Variants in SLC24A2 observed in about 807,000 individuals in gnomAD.
SLC24A2 encodes solute carrier family 24 member 2.
Under a neutral mutation model 62.0 loss-of-function variants are expected in SLC24A2, and 36 were observed. The observed-to-expected ratio is 0.58, with a 90% confidence interval of 0.44 to 0.77. SLC24A2 has a LOEUF of 0.77. Among genes scored for constraint, SLC24A2 ranks in the 30% least tolerant of loss-of-function variants. The probability of loss-of-function intolerance (pLI) is 0.00; values close to 1 mark genes in which losing one functional copy is unlikely to be tolerated. For synonymous variants in SLC24A2, 358 were observed against 294.0 expected, an observed-to-expected ratio of 1.22 and a Z score of -2.23; for missense variants, 846 against 817.9, an observed-to-expected ratio of 1.03 and a Z score of -0.42.
intron 7 of SLC24A2, among the ~76,000 whole-genome samples, chr9:19,572,007 C>T (rs773969357): frequency 3.3e-5 from 5 of 152,050 alleles, no homozygotes; most frequent in East Asian, 3.9e-4. Context: ...CAGTGGCTCA[C>T]GCCTATAATC....
At chr9:19,543,214 A>C (rs893454457) in intron 8 of SLC24A2, among the ~76,000 whole-genome samples, 10 of 152,276 alleles carry the variant, frequency 6.6e-5, no homozygotes, top group Non-Finnish European at 1.3e-4. Context: ...GTTTATTTGC[A>C]TAGAGGTGTT....
At chr9:19,799,577 C>T in the SLC24A2 span, among the ~76,000 whole-genome samples, 1 of 152,130 alleles carries the variant, frequency 6.6e-6, no homozygotes, top group Non-Finnish European at 1.5e-5. Context: ...AGCTTAAAAC[C>T]ACAGATAACA....
At chr9:19,766,625 G>C (rs1385819958) in intron 2 of SLC24A2, among the ~76,000 whole-genome samples, 2 of 152,204 alleles carry the variant, frequency 1.3e-5, no homozygotes, top group Non-Finnish European at 2.9e-5. Flanking sequence ...ACCAGCAGAG[G>C]CTGCAGAACA....
In SLC24A2 at chr9:19,511,924, A is replaced by G. The variant is rs1190782096; in HGVS notation, c.*4229T>C. The G allele has an allele frequency of 6.6e-6, 1 of 152,296 alleles. No homozygotes were observed. Among genetic ancestry groups the G allele is most frequent in the Non-Finnish European group, 1.5e-5 (1 of 68,114 alleles). The allele number at this position is 152,296 out of a possible 1,614,324, so 9.4% of individuals were successfully genotyped here. The stretch of plus-strand genomic sequence containing the variant: ...GATGTGGGGAGGAAAGCACACTGCC[A>G]TGTTCTGAAATGCCTGCCATCAGAC... On this transcript the variant is annotated 3_prime_UTR_variant, in exon 11 of 11. Transcript: ENST00000341998.
chr9:19,604,790 C>T (rs921652232), intron 4 of SLC24A2, among the ~76,000 whole-genome samples: 1 of 152,128 alleles, frequency 6.6e-6, no homozygotes, highest in East Asian at 1.9e-4. Flanking sequence ...GACAGTAATT[C>T]AAGGTAAAAA....
chr9:19,699,170 G>A (rs1820284292), intron 2 of SLC24A2, among the ~76,000 whole-genome samples: 1 of 152,092 alleles, frequency 6.6e-6, no homozygotes, highest in African/African-American at 2.4e-5. Context: ...ACCTACTGCT[G>A]GGTCTCTGAG....
the SLC24A2 span, among the ~76,000 whole-genome samples, chr9:19,848,813 C>A: frequency 6.6e-6 from 1 of 152,196 alleles, no homozygotes; most frequent in African/African-American, 2.4e-5. Flanking sequence ...TATATCCACT[C>A]ATTTTTGTGT....
chr9:20,234,255 T>G, the SLC24A2 span, among the ~76,000 whole-genome samples: 2 of 152,212 alleles, frequency 1.3e-5, no homozygotes, highest in African/African-American at 4.8e-5. Flanking sequence ...CTGTATTTCC[T>G]GAATTTGAAT....
chr9:19,609,997 G>A (rs1288616671), intron 4 of SLC24A2, among the ~76,000 whole-genome samples: 1 of 152,184 alleles, frequency 6.6e-6, no homozygotes, highest in African/African-American at 2.4e-5. Context: ...CTCCTGCTGT[G>A]TGGCCCAGTT....
chr9:19,853,682 T>A, the SLC24A2 span, among the ~76,000 whole-genome samples: 3 of 152,192 alleles, frequency 2.0e-5, no homozygotes, highest in Admixed American at 1.3e-4. Context: ...TGGATAAGCT[T>A]TTTTTATGTG....
At chr9:20,202,972 T>G in the SLC24A2 span, among the ~76,000 whole-genome samples, 2 of 152,288 alleles carry the variant, frequency 1.3e-5, no homozygotes, top group South Asian at 4.1e-4. Context: ...TAAAGTAGAT[T>G]TCCATCCCAC....
the SLC24A2 span, among the ~76,000 whole-genome samples, chr9:20,225,853 C>A: frequency 6.6e-6 from 1 of 151,502 alleles, no homozygotes; most frequent in East Asian, 2.0e-4. Context: ...ATATTGTTTC[C>A]CAGCATTTGT....
the SLC24A2 span, among the ~76,000 whole-genome samples, chr9:19,993,848 T>G: frequency 0.77 from 117,716 of 152,142 alleles, 45,930 homozygotes; most frequent in Non-Finnish European, 0.83. Context: ...ATGCTAGTGA[T>G]TGAAAACACA....
chr9:20,034,875 G>A, the SLC24A2 span, among the ~76,000 whole-genome samples: 1 of 152,132 alleles, frequency 6.6e-6, no homozygotes, highest in East Asian at 1.9e-4. Context: ...CATTTTAAGG[G>A]AGCTTATATT....
chr9:20,292,411 T>A, the SLC24A2 span, among the ~76,000 whole-genome samples: 1 of 152,154 alleles, frequency 6.6e-6, no homozygotes, highest in Non-Finnish European at 1.5e-5. Context: ...GGAGAAAAGA[T>A]GAGGTAAGTC....
chr9:20,201,348 C>G, the SLC24A2 span, among the ~76,000 whole-genome samples: 46 of 152,188 alleles, frequency 3.0e-4, no homozygotes, highest in Non-Finnish European at 5.6e-4. Context: ...CACAGATGGC[C>G]TCATCTCACG....
chr9:19,547,239 A>G (rs1451619585), intron 8 of SLC24A2, among the ~76,000 whole-genome samples: 27 of 152,152 alleles, frequency 1.8e-4, no homozygotes, highest in Admixed American at 1.8e-3. Context: ...TACTCAGAAA[A>G]ACAAAAGAAA....
chr9:20,178,323 G>A, the SLC24A2 span, among the ~76,000 whole-genome samples: 1 of 152,070 alleles, frequency 6.6e-6, no homozygotes, highest in Non-Finnish European at 1.5e-5. Flanking sequence ...CTGTCCTCGG[G>A]TGCTAGACTG....
chr9:19,591,263 T>C (rs764859661), intron 5 of SLC24A2, among the ~76,000 whole-genome samples: 1 of 152,236 alleles, frequency 6.6e-6, no homozygotes, highest in Non-Finnish European at 1.5e-5. Context: ...GGATGTCTCA[T>C]AGGCATCTTA....
Sources: allele counts gnomAD v4.1 joint callset (sites outside exome capture counted in the v4.1 genomes callset), GRCh38; gene constraint gnomAD v4.1.1; transcripts MANE v1.5; gene names NCBI Gene and HGNC (gene_info 2026-07-23, HGNC 2026-07-21).